LRRC73: variants seen among roughly 807,000 people sequenced by gnomAD.
The protein encoded by LRRC73 is leucine-rich repeat-containing protein 73.
Under a neutral mutation model 26.4 loss-of-function variants are expected in LRRC73, and 16 were observed. The ratio of observed to expected loss-of-function variants is 0.61; its 90% confidence interval spans 0.41 to 0.92. The LOEUF is 0.92. Ranked by LOEUF, LRRC73 falls within the 40% of genes least tolerant of loss-of-function variation. LRRC73 has a pLI of 0.00. For missense variants in LRRC73, 344 were observed against 416.3 expected, an observed-to-expected ratio of 0.83 and a Z score of 1.51; for synonymous variants, 210 against 179.8, an observed-to-expected ratio of 1.17 and a Z score of -1.34.
At chr6:43,507,362 C>A in intron 5 of LRRC73, 54 bp from the exon 6 acceptor site, 1 of 1,610,582 alleles carries the variant, frequency 6.2e-7, no homozygotes, top group Admixed American at 1.7e-5. Flanking sequence ...CAATGGGGAC[C>A]ACAGATAGGT....
exon 3 of LRRC73, chr6:43,508,323 G>A: frequency 6.2e-7 from 1 of 1,613,312 alleles, no homozygotes; most frequent in Non-Finnish European, 8.5e-7. Context: ...CCAGATTGAG[G>A]ACGCGGACCT....
exon 4 of LRRC73, chr6:43,507,881 C>A: frequency 6.2e-7 from 1 of 1,613,822 alleles, no homozygotes; most frequent in Non-Finnish European, 8.5e-7. Context: ...CTCTAGGGTA[C>A]GACTAGAGGC....
At chr6:43,507,663 C>G in exon 5 of LRRC73, 1 of 1,614,100 alleles carries the variant, frequency 6.2e-7, no homozygotes, top group Non-Finnish European at 8.5e-7. Flanking sequence ...TAATTTTCTA[C>G]CATGTCCAGC....
rs560820734 is a variant in LRRC73, at chr6:43,508,943, G to T, written c.273-23C>A. ...AGGCTGGAGGAGAGTGAGAGAGCAG[G>T]GTTACTGCAGTCCTCCGCACTATCT... On this transcript the variant is annotated intron_variant, in intron 1 of 5. Transcript: ENST00000372441. 4 of 1,565,702 alleles carry T rather than the reference G, an allele frequency of 2.6e-6. No homozygotes were observed. In the African/African-American group the frequency reaches 5.4e-5, roughly 21 times the overall value.
At chr6:43,508,836 G>A (rs1792582353) in exon 2 of LRRC73, 1 of 1,613,148 alleles carries the variant, frequency 6.2e-7, no homozygotes, top group Non-Finnish European at 8.5e-7. Flanking sequence ...AGTCCCCCAG[G>A]TCCAGAGCCA....
chr6:43,507,098 A>G (rs1056802282), exon 6 of LRRC73: 1 of 841,570 alleles, frequency 1.2e-6, no homozygotes, highest in Non-Finnish European at 1.9e-6. Context: ...CCTTCCCACC[A>G]CACTGCCAGG....
At chr6:43,509,067 T>G in intron 1 of LRRC73, 147 bp from the exon 2 acceptor site, 40 of 782,814 alleles carry the variant, frequency 5.1e-5, no homozygotes, top group Non-Finnish European at 7.4e-5. Context: ...AAGTTCTAGA[T>G]TCTCAGGGAA....
At chr6:43,508,502 G>A in intron 2 of LRRC73, 82 bp from the exon 3 acceptor site, 1 of 1,595,414 alleles carries the variant, frequency 6.3e-7, no homozygotes, top group Non-Finnish European at 8.5e-7. Context: ...TGTGTCTCTG[G>A]GGTGTCCCTA....
rs1296984174 is a variant in LRRC73, at chr6:43,508,426, C to T, written c.434-6G>A. 2 of 1,613,384 alleles carry T rather than the reference C, an allele frequency of 1.2e-6. No homozygotes were observed. Among genetic ancestry groups the T allele is most frequent in the Non-Finnish European group, 1.7e-6 (2 of 1,179,930 alleles). The stretch of plus-strand genomic sequence containing the variant: ...CAGCGTTAGCTCCTTCAAGCCTGGG[C>T]AGCATCATAGCAAGAAACCAGAATA... On this transcript the variant is annotated splice_region_variant and splice_polypyrimidine_tract_variant and intron_variant, in intron 2 of 5. Transcript: ENST00000372441.
At chr6:43,509,412 A>G in intron 1 of LRRC73, 102 bp downstream of exon 1, 1 of 1,368,228 alleles carries the variant, frequency 7.3e-7, no homozygotes, top group South Asian at 1.4e-5. Context: ...AGGCATGTGA[A>G]GGTAGGATGG....
intron 5 of LRRC73, 45 bp from the exon 6 acceptor site, chr6:43,507,353 A>G (rs771395916): frequency 6.2e-7 from 1 of 1,611,444 alleles, no homozygotes; most frequent in East Asian, 2.2e-5. Flanking sequence ...TCCTTCCTCC[A>G]ATGGGGACCA....
chr6:43,508,692 C>G (rs1399288794), intron 2 of LRRC73, 68 bp downstream of exon 2: 2 of 1,530,744 alleles, frequency 1.3e-6, no homozygotes, highest in Non-Finnish European at 1.8e-6. Flanking sequence ...GGCCACACCC[C>G]CTTCCCTCTG....
At chr6:43,507,120 C>G (rs1450598183) in exon 6 of LRRC73, 1 of 1,014,944 alleles carries the variant, frequency 9.9e-7, no homozygotes, top group Non-Finnish European at 1.5e-6. Context: ...GCTGCCAGAG[C>G]CCCCATGCAG....
rs372801867 is a variant in LRRC73 at position 43,508,956 on chromosome 6, C to A, written c.273-36G>T. 67 of 1,528,588 alleles carry A rather than the reference C, an allele frequency of 4.4e-5. No individual in the cohort carries two copies. The East Asian group carries it at 9.2e-4, about 21-fold the overall frequency. The allele number at this position is 1,528,588 out of a possible 1,614,324, so 94.7% of individuals were successfully genotyped here. A position where few individuals can be genotyped will look rare whatever the true frequency, so the allele number is the denominator to read the frequency against. ...GTGAGAGAGCAGGGTTACTGCAGTC[C>A]TCCGCACTATCTACATGGGAAAGGG... On this transcript the variant is annotated intron_variant, in intron 1 of 5. Transcript: ENST00000372441.
chr6:43,508,471 C>T (rs1792573588), intron 2 of LRRC73, 51 bp from the exon 3 acceptor site: 1 of 1,609,804 alleles, frequency 6.2e-7, no homozygotes, highest in South Asian at 1.1e-5. Flanking sequence ...AAGCCCTCCT[C>T]CAGCCCTTCC....
chr6:43,509,471 A>T, intron 1 of LRRC73, 43 bp downstream of exon 1: 13 of 1,571,404 alleles, frequency 8.3e-6, no homozygotes, highest in Non-Finnish European at 1.0e-5. Flanking sequence ...AGTGTATGGA[A>T]GGGTGCAGTG....
At chr6:43,510,307 A>C (rs1792626823) in exon 1 of LRRC73, 1 of 152,714 alleles carries the variant, frequency 6.5e-6, no homozygotes, top group Non-Finnish European at 1.5e-5. Flanking sequence ...AGAGAGCCTG[A>C]GGCGGGCGGC....
At chr6:43,507,547 C>G in exon 5 of LRRC73, 1 of 1,613,982 alleles carries the variant, frequency 6.2e-7, no homozygotes, top group South Asian at 1.1e-5. Context: ...CCCCTCCTGC[C>G]ACTTCCTCCT....
chr6:43,507,298 A>C (rs777854030), exon 6 of LRRC73: 6 of 1,613,964 alleles, frequency 3.7e-6, no homozygotes, highest in Non-Finnish European at 5.1e-6. Context: ...GCACCATCTG[A>C]GAGCTGGGAT....
Sources: allele counts gnomAD v4.1 joint callset, GRCh38; gene constraint gnomAD v4.1.1; transcripts MANE v1.5; gene names NCBI Gene and HGNC (gene_info 2026-07-23, HGNC 2026-07-21).